The following VNN2 variants were observed in gnomAD, a reference collection of about 807,000 sequenced individuals.
VNN2 encodes pantetheine hydrolase VNN2.
Under a neutral mutation model 43.0 loss-of-function variants are expected in VNN2, and 43 were observed. The observed-to-expected ratio is 1.00, with a 90% CI of 0.78 to 1.29. VNN2 has a LOEUF of 1.29. Among genes scored for constraint, VNN2 ranks in the 50% most tolerant of loss-of-function variants. The pLI is 0.00. For synonymous variants in VNN2, 230 were observed against 224.3 expected (o/e 1.03, Z -0.23); for missense variants, 652 against 619.7 (o/e 1.05, Z -0.55).
At chr6:132,750,459 G>T (rs1779986675) in intron 5 of VNN2, among the ~76,000 whole-genome samples, 1 of 135,384 alleles carries the variant, frequency 7.4e-6, no homozygotes, top group Non-Finnish European at 1.6e-5. Context: ...GGCCAACATG[G>T]TGAAACCCTG....
upstream of VNN2, among the ~76,000 whole-genome samples, chr6:132,762,745 C>T (rs1780766680): frequency 6.6e-6 from 1 of 152,188 alleles, no homozygotes; most frequent in African/African-American, 2.4e-5. Context: ...ATATCACAGC[C>T]TTGGATTCTC....
At chr6:132,757,610 C>T (rs993677884) in intron 1 of VNN2, 61 bp downstream of exon 1, 35 of 1,606,810 alleles carry the variant, frequency 2.2e-5, no homozygotes, top group Middle Eastern at 3.3e-4. Flanking sequence ...TCAGCTCTCT[C>T]GTCTTCCACC....
chr6:132,759,058 G>A (rs976832044), upstream of VNN2, among the ~76,000 whole-genome samples: 1 of 151,968 alleles, frequency 6.6e-6, no homozygotes. Flanking sequence ...GTCCAGGATT[G>A]GTGATAAAGA....
chr6:132,760,055 G>C (rs143630023), upstream of VNN2, among the ~76,000 whole-genome samples: 1 of 152,194 alleles, frequency 6.6e-6, no homozygotes, highest in Admixed American at 6.5e-5. Flanking sequence ...CAGGATGTTC[G>C]CTTCTCATTC....
intron 6 of VNN2, among the ~76,000 whole-genome samples, chr6:132,749,347 T>C (rs180884371): frequency 7.2e-5 from 11 of 152,190 alleles, no homozygotes; most frequent in Admixed American, 2.0e-4. Flanking sequence ...TCAGCTAACA[T>C]GTGAACAAGC....
intron 3 of VNN2, among the ~76,000 whole-genome samples, chr6:132,754,873 T>C (rs1780357365): frequency 6.6e-6 from 1 of 152,252 alleles, no homozygotes; most frequent in Non-Finnish European, 1.5e-5. Context: ...ATTTCAATAT[T>C]AAATAGTATT....
chr6:132,755,792 A>C (rs762084703), intron 3 of VNN2, 51 bp downstream of exon 3: 2 of 1,531,544 alleles, frequency 1.3e-6, no homozygotes, highest in Non-Finnish European at 1.8e-6. Context: ...TAAACCCAGC[A>C]TTGACCACTC....
In VNN2 at chr6:132,752,655, C is replaced by A. The variant is rs1780187591; in HGVS notation, c.632G>T (p.Cys211Phe). The change falls in exon 4 of 7, where the codon TGC becomes TTC. Residue 211 changes from cysteine to phenylalanine, a missense_variant. Coordinates refer to ENST00000326499, the MANE Select transcript of VNN2 (RefSeq NM_004665.6). The stretch of plus-strand genomic sequence containing the variant: ...AGGATCATAGAAGAATATATCAAAG[C>A]ACGTGAAAATGCCAAACCTTCCAAA... The part of the protein sequence containing the change: ...TAFGRFGIFT[C>F]FDIFFYDPGV... 6.2e-7 allele frequency: 1 copy of A among 1,614,154 alleles called. No homozygotes were observed. Among genetic ancestry groups the A allele is most frequent in the South Asian group, 1.1e-5 (1 of 91,080 alleles).
At chr6:132,760,990 G>T (rs1011547501), upstream of VNN2, among the ~76,000 whole-genome samples, 6 of 152,022 alleles carry the variant, frequency 3.9e-5, no homozygotes, top group African/African-American at 1.2e-4. Context: ...TTGCAAAAAA[G>T]AATTAGAAGT....
At chr6:132,762,470 A>T (rs1293903504), upstream of VNN2, among the ~76,000 whole-genome samples, 1 of 152,266 alleles carries the variant, frequency 6.6e-6, no homozygotes, top group East Asian at 1.9e-4. Flanking sequence ...ACAATACTGT[A>T]TCCAAAAAAA....
chr6:132,759,540 C>T (rs771806652), upstream of VNN2, among the ~76,000 whole-genome samples: 3 of 151,086 alleles, frequency 2.0e-5, no homozygotes, highest in African/African-American at 2.4e-5. Flanking sequence ...CAGGCCCAAT[C>T]CTGCCAAATA....
intron 2 of VNN2, 78 bp from the exon 3 acceptor site, chr6:132,756,113 T>C (rs994782385): frequency 7.5e-7 from 1 of 1,326,802 alleles, no homozygotes; most frequent in Non-Finnish European, 1.0e-6. Context: ...ATAGCAACTG[T>C]AACCACTTAA....
At chr6:132,762,060 T>C (rs7747544), upstream of VNN2, among the ~76,000 whole-genome samples, 6,194 of 152,316 alleles carry the variant, frequency 0.041, 185 homozygotes, top group African/African-American at 0.079. Context: ...AATTCTAGTC[T>C]ATTTGGATGA....
chr6:132,751,536 G>T lies in VNN2; in HGVS notation c.827-18C>A, dbSNP rs747863033. ...ACCACTTCCTGTGAATGAAAGACAA[G>T]TCTTCTAAAAACAACACCACACACA... On this transcript the variant is annotated intron_variant, in intron 4 of 6. Transcript: ENST00000326499. 1.3e-6 allele frequency: 2 copies of T among 1,585,938 alleles called. No individual in the cohort carries two copies. The highest frequency in any genetic ancestry group is 2.3e-5 in the South Asian group (2 of 86,880).
At chr6:132,761,589 G>A (rs374513017), upstream of VNN2, among the ~76,000 whole-genome samples, 2 of 152,146 alleles carry the variant, frequency 1.3e-5, no homozygotes, top group South Asian at 2.1e-4. Context: ...GAACCCAGGA[G>A]GAGGAGGTTG....
intron 3 of VNN2, among the ~76,000 whole-genome samples, chr6:132,755,638 G>C (rs1233499600): frequency 6.6e-6 from 1 of 151,940 alleles, no homozygotes; most frequent in East Asian, 1.9e-4. Context: ...GCCTCCCAAA[G>C]TGCTGGGCTT....
Position 132,744,460 on chromosome 6 carries a change from T to C in VNN2, c.1403A>G (p.Asn468Ser). ...VLKDGRLVNKNGSSGPILTVS... is the reference protein window; with the variant it reads ...VLKDGRLVNKSGSSGPILTVS... ...TGTTAGTATAGGCCCAGATGATCCA[T>C]TCTTGTTTACCAAACGCCCATCTTT... The change falls in exon 7 of 7, where the codon AAT becomes AGT. Residue 468 changes from asparagine to serine, a missense_variant. Coordinates refer to ENST00000326499, the MANE Select transcript of VNN2 (RefSeq NM_004665.6). 6.3e-7 allele frequency: 1 copy of C among 1,593,940 alleles called. No homozygotes were observed. The highest frequency in any genetic ancestry group is 8.5e-7 in the Non-Finnish European group (1 of 1,173,226).
chr6:132,754,213 C>T (rs555822380), intron 3 of VNN2, among the ~76,000 whole-genome samples: 1 of 152,212 alleles, frequency 6.6e-6, no homozygotes, highest in East Asian at 1.9e-4. Context: ...AAAGATAATA[C>T]AAATAATGCA....
Position 132,744,283 on chromosome 6 carries a change from A to C in VNN2, c.*17T>G. On this transcript the variant is annotated 3_prime_UTR_variant, in exon 7 of 7. Coordinates refer to ENST00000326499, the MANE Select transcript of VNN2 (RefSeq NM_004665.6). ...AGCCAAGCATATGATGCAGAAGCTG[A>C]GTGATAAAGAGACGCCCTATAACAT... The C allele has an allele frequency of 6.3e-7, 1 of 1,587,954 alleles. No individual in the cohort carries two copies. The highest frequency in any genetic ancestry group is 8.5e-7 in the Non-Finnish European group (1 of 1,171,156).
Sources: allele counts gnomAD v4.1 joint callset (sites outside exome capture counted in the v4.1 genomes callset), GRCh38; gene constraint gnomAD v4.1.1; transcripts MANE v1.5; gene names NCBI Gene and HGNC (gene_info 2026-07-23, HGNC 2026-07-21).